ATPAF1: variants seen among roughly 807,000 people sequenced by gnomAD.
ATPAF1 encodes the protein homolog of yeast ATP11.
A neutral mutation model predicts 43.9 loss-of-function variants in ATPAF1; 26 were observed. The observed-to-expected ratio is 0.59, with a 90% CI of 0.43 to 0.82. ATPAF1 has a LOEUF of 0.82. ATPAF1 is among the 40% of genes least tolerant of loss of function. The pLI is 0.00. For missense variants in ATPAF1, 366 were observed against 435.0 expected, an observed-to-expected ratio of 0.84 and a Z score of 1.41; for synonymous variants, 157 against 168.0, an observed-to-expected ratio of 0.93 and a Z score of 0.50.
intron 2 of ATPAF1, among the ~76,000 whole-genome samples, chr1:46,659,450 ATG>A (rs1278030664): frequency 6.6e-6 from 1 of 152,150 alleles, no homozygotes; most frequent in Non-Finnish European, 1.5e-5. Flanking sequence ...AAATGGAAAG[ATG>A]TGTTATCCAA....
chr1:46,668,006 G>A lies in ATPAF1; in HGVS notation c.266+51C>T. ...GCTGTCCTAAGGCCCAGCAGCCCGG[G>A]CCGCCCCTCCTCCCGCCTCCTGCCC... is the stretch of plus-strand genomic sequence containing the variant. On this transcript the variant is annotated intron_variant, in intron 1 of 8. Transcript: ENST00000574428. The surrounding 1 kb of genome is among the most constrained non-coding windows in gnomAD (Gnocchi z 4.4). 5 of 1,313,418 alleles carry A rather than the reference G, an allele frequency of 3.8e-6. No individual in the cohort carries two copies. The highest frequency in any genetic ancestry group is 3.1e-5 in the East Asian group (1 of 32,112). The allele number at this position is 1,313,418 out of a possible 1,614,324, so 81.4% of individuals were successfully genotyped here.
intron 8 of ATPAF1, among the ~76,000 whole-genome samples, chr1:46,637,884 A>G (rs1675871181): frequency 6.6e-6 from 1 of 152,228 alleles, no homozygotes. Flanking sequence ...GTGGCCAGCC[A>G]AGGTCACAGC....
intron 6 of ATPAF1, among the ~76,000 whole-genome samples, chr1:46,648,412 T>C (rs1183536032): frequency 1.3e-5 from 2 of 152,028 alleles, no homozygotes; most frequent in African/African-American, 4.8e-5. Flanking sequence ...ACACCCACCC[T>C]ATTTTTATTG....
intron 6 of ATPAF1, among the ~76,000 whole-genome samples, chr1:46,651,538 T>G (rs1469069361): frequency 6.6e-6 from 1 of 152,126 alleles, no homozygotes; most frequent in Non-Finnish European, 1.5e-5. Flanking sequence ...CTGGGTCAAA[T>G]GGTATTTCTA....
intron 6 of ATPAF1, among the ~76,000 whole-genome samples, chr1:46,648,192 G>A (rs1676078325): frequency 6.6e-6 from 1 of 152,094 alleles, no homozygotes; most frequent in Admixed American, 6.6e-5. Context: ...GCTCACTGCA[G>A]TCCCTGCCTC....
chr1:46,635,755 G>A (rs1404006431), exon 9 of ATPAF1: 1 of 1,598,000 alleles, frequency 6.3e-7, no homozygotes, highest in East Asian at 2.2e-5. Context: ...TCAACTAGGT[G>A]AAGGGCCAAC....
chr1:46,668,456 G>A (rs2148830060), upstream of ATPAF1: 4 of 1,118,350 alleles, frequency 3.6e-6, no homozygotes, highest in Non-Finnish European at 4.4e-6. This position sits in a 1 kb window ranked among gnomAD's most constrained non-coding sequence, Gnocchi z 4.4. Context: ...GGTTCCGGGC[G>A]CGGGATAGCG....
intron 1 of ATPAF1, among the ~76,000 whole-genome samples, chr1:46,667,254 C>T (rs1676506730): frequency 6.6e-6 from 1 of 152,206 alleles, no homozygotes; most frequent in Admixed American, 6.5e-5. Context: ...TGAGACAGAA[C>T]TCAAATTTAC....
At chr1:46,640,278 G>A (rs1258059) in intron 8 of ATPAF1, among the ~76,000 whole-genome samples, 88,572 of 152,086 alleles carry the variant, frequency 0.58, 28,087 homozygotes, top group Non-Finnish European at 0.73. Flanking sequence ...TTTAATAATA[G>A]TTTTTGTTAT....
intron 1 of ATPAF1, among the ~76,000 whole-genome samples, chr1:46,666,875 T>C (rs985246430): frequency 1.3e-5 from 2 of 152,214 alleles, no homozygotes; most frequent in African/African-American, 4.8e-5. Context: ...TATTTGTTCA[T>C]GAGTGGGTAA....
In ATPAF1 at chr1:46,643,157, G is replaced by A. The variant is rs58805974; in HGVS notation, c.792+37C>T. ...AGAAGAGTAATACCTTCAGTGCCAT[G>A]AGGTAAATCCAAAGAGTTTTGCAAG... On this transcript the variant is annotated intron_variant, in intron 8 of 8. Coordinates refer to ENST00000574428, the Ensembl canonical transcript of ATPAF1. The A allele has an allele frequency of 9.1e-4, 1,392 of 1,531,578 alleles. 6 individuals are homozygous for A. In the African/African-American group the frequency reaches 0.014, roughly 16 times the overall value. 94.9% of individuals were successfully genotyped at this position (1,531,578 alleles called of 1,614,324 possible). A position where few individuals can be genotyped will look rare whatever the true frequency, so the allele number is the denominator to read the frequency against.
chr1:46,658,723 C>T (rs866238162), exon 3 of ATPAF1: 1 of 1,601,504 alleles, frequency 6.2e-7, no homozygotes, highest in Non-Finnish European at 8.5e-7. Flanking sequence ...CAGACTGTTT[C>T]CCCAAGGCAT....
chr1:46,637,200 C>G (rs1032856936), intron 8 of ATPAF1, among the ~76,000 whole-genome samples: 10 of 152,074 alleles, frequency 6.6e-5, no homozygotes, highest in African/African-American at 2.4e-4. Flanking sequence ...AAATGGTGAG[C>G]AGGCCACCCT....
intron 2 of ATPAF1, among the ~76,000 whole-genome samples, chr1:46,661,574 G>T (rs894105081): frequency 1.4e-4 from 22 of 152,120 alleles, no homozygotes; most frequent in African/African-American, 5.3e-4. Flanking sequence ...TATGGTTAGG[G>T]CATTATATTG....
rs538178763 is a variant in ATPAF1 at position 46,638,915 on chromosome 1, C to T, written c.793-2945G>A. 3.3e-5 allele frequency among the ~76,000 whole-genome samples: 5 copies of T among 152,258 alleles called. No homozygotes were observed. The East Asian group carries it at 9.6e-4, about 29-fold the overall frequency. ...AATTTTCAAATCTACAATCAACGCA[C>T]CAAGTCCTGACTATTTTATTCCCTA... On this transcript the variant is annotated intron_variant, in intron 8 of 8. Coordinates refer to ENST00000574428, the Ensembl canonical transcript of ATPAF1.
intron 6 of ATPAF1, among the ~76,000 whole-genome samples, chr1:46,652,205 CAAA>C (rs10718568): frequency 1.7e-3 from 188 of 109,758 alleles, no homozygotes; most frequent in African/African-American, 4.8e-3. Flanking sequence ...ATAATAAAAG[CAAA>C]AAAAAAAAAA....
rs1169375401 is a variant in ATPAF1, at chr1:46,668,253, G to A, written c.70C>T (p.Arg24Trp). The A allele has an allele frequency of 5.0e-6, 7 of 1,390,574 alleles. No individual in the cohort carries two copies. The highest frequency in any genetic ancestry group is 5.6e-6 in the Non-Finnish European group (6 of 1,069,082). 86.1% of individuals were successfully genotyped at this position (1,390,574 alleles called of 1,614,324 possible). ...CGGCTGCGCACCGCGCACAGGCCCC[G>A]GTAGAGACCGGCCACCTGCAGGACC... The change falls in exon 1 of 9, where the codon CGG becomes TGG. Residue 24 changes from arginine (R) to tryptophan (W), a missense_variant. By Grantham distance (101) the Arg-to-Trp change is moderately radical. This residue lies in a region of ATPAF1 where 186 missense variants were observed against 168.5 expected (regional missense o/e 1.10). Transcript: ENST00000574428. The surrounding 1 kb of genome is among the most constrained non-coding windows in gnomAD (Gnocchi z 4.4).
chr1:46,662,039 C>CAT (rs1676398969), intron 2 of ATPAF1, among the ~76,000 whole-genome samples: 1 of 152,002 alleles, frequency 6.6e-6, no homozygotes, highest in Non-Finnish European at 1.5e-5. Flanking sequence ...GGACTACAGG[C>CAT]GCCTGCCACA....
chr1:46,668,333 G>GCCTCCT lies in ATPAF1; in HGVS notation c.-17_-12dup, dbSNP rs572685148. The GCCTCCT allele has an allele frequency of 2.6e-4, 353 of 1,353,986 alleles. 1 individual carries two copies. In the African/African-American group the frequency reaches 3.3e-3, roughly 13 times the overall value. The allele number at this position is 1,353,986 out of a possible 1,614,324, so 83.9% of individuals were successfully genotyped here. On this transcript the variant is annotated 5_prime_UTR_variant, in exon 1 of 9. Transcript: ENST00000574428. The surrounding 1 kb of genome is among the most constrained non-coding windows in gnomAD (Gnocchi z 4.4). ...CACCACAGCAGCCATGGCCGCCCCC[G>GCCTCCT]CCTCCTCCTCCTCCTCAGGCGCGTC...
Sources: allele counts gnomAD v4.1 joint callset (sites outside exome capture counted in the v4.1 genomes callset), GRCh38; gene constraint gnomAD v4.1.1; regional missense constraint gnomAD v4.1.1; non-coding constraint Gnocchi (gnomAD v3.1); transcripts MANE v1.5; gene names NCBI Gene and HGNC (gene_info 2026-07-23, HGNC 2026-07-21).